The following ZNF638 variants were observed in gnomAD, a reference collection of about 807,000 sequenced individuals.
ZNF638 encodes zinc finger protein 638.
Under a neutral mutation model 195.6 loss-of-function variants are expected in ZNF638, and 46 were observed. The ratio of observed to expected loss-of-function variants is 0.24; its 90% CI spans 0.19 to 0.30. The LOEUF (loss-of-function observed/expected upper bound fraction) is 0.30. ZNF638 is among the 10% of genes least tolerant of loss of function. The pLI is 1.00. For synonymous variants in ZNF638, 845 were observed against 772.0 expected (o/e 1.09, Z -1.57); for missense variants, 2,440 against 2,325.3 (o/e 1.05, Z -1.01).
chr2:71,382,875 T>TA (rs547762601), intron 10 of ZNF638, among the ~76,000 whole-genome samples: 74 of 152,312 alleles, frequency 4.9e-4, no homozygotes, highest in Admixed American at 8.5e-4. Context: ...AATGACTTAT[T>TA]AAGTAGACAG....
At chr2:71,403,808 G>A in intron 16 of ZNF638, 62 bp from the exon 17 acceptor site, 2 of 1,237,070 alleles carry the variant, frequency 1.6e-6, no homozygotes, top group Non-Finnish European at 2.2e-6. Flanking sequence ...ATACTTGCAA[G>A]TCTGTTTTTG....
At chr2:71,388,152 TC>T (rs2079683132) in intron 10 of ZNF638, among the ~76,000 whole-genome samples, 1 of 152,114 alleles carries the variant, frequency 6.6e-6, no homozygotes, top group Non-Finnish European at 1.5e-5. Flanking sequence ...ACGCAAACCT[TC>T]TTGGAAGTCC....
intron 26 of ZNF638, among the ~76,000 whole-genome samples, chr2:71,432,693 C>A (rs112176391): frequency 6.6e-6 from 1 of 150,578 alleles, no homozygotes; most frequent in Non-Finnish European, 1.5e-5. Flanking sequence ...TAAAGACTTA[C>A]GTTTTCTGAT....
At chr2:71,348,204 A>G (rs2078883856) in intron 1 of ZNF638, among the ~76,000 whole-genome samples, 1 of 152,212 alleles carries the variant, frequency 6.6e-6, no homozygotes, top group South Asian at 2.1e-4. Flanking sequence ...ACAAATTTTT[A>G]TCTTACAAGA....
intron 23 of ZNF638, 21 bp downstream of exon 23, chr2:71,424,736 C>T (rs2080502661): frequency 1.3e-6 from 2 of 1,585,612 alleles, no homozygotes; most frequent in East Asian, 4.5e-5. Flanking sequence ...GATCACAGAC[C>T]CTAACCCTTC....
At chr2:71,382,836 T>G (rs1434978819) in intron 10 of ZNF638, among the ~76,000 whole-genome samples, 1 of 152,104 alleles carries the variant, frequency 6.6e-6, no homozygotes, top group Non-Finnish European at 1.5e-5. Flanking sequence ...TGTTTTAAAG[T>G]TAGAATTTAG....
chr2:71,368,662 G>C lies in ZNF638; in HGVS notation c.2142+134G>C. The C allele has an allele frequency of 4.0e-6, 4 of 991,164 alleles. No homozygotes were observed. In the South Asian group the frequency reaches 6.6e-5, roughly 16 times the overall value. 61.4% of individuals were successfully genotyped at this position (991,164 alleles called of 1,614,324 possible). On this transcript the variant is annotated intron_variant, in intron 7 of 27. Transcript: ENST00000264447. ...TTGAGAGTTATATAAATGTCTGGAT[G>C]TGAATAAGCAAGGCCGCAAAATAAT...
rs775403714 is a variant in ZNF638, at chr2:71,422,685, C to G, written c.3300-129C>G. Reference sequence around the variant, plus strand: ...TGGTTGGATTTCCCAGTGCTTATTACGAATGCATCAGGAAGTCTTAACAAT... The same window carrying G: ...TGGTTGGATTTCCCAGTGCTTATTAGGAATGCATCAGGAAGTCTTAACAAT... On this transcript the variant is annotated intron_variant, in intron 21 of 27. Coordinates refer to ENST00000264447, the MANE Select transcript of ZNF638 (RefSeq NM_014497.5). 3.7e-5 allele frequency: 34 copies of G among 912,564 alleles called. 1 individual carries two copies. The highest frequency in any genetic ancestry group is 5.3e-5 in the Non-Finnish European group (33 of 620,906). 56.5% of individuals were successfully genotyped at this position (912,564 alleles called of 1,614,324 possible). A position where few individuals can be genotyped will look rare whatever the true frequency, so the allele number is the denominator to read the frequency against.
intron 1 of ZNF638, among the ~76,000 whole-genome samples, chr2:71,336,933 C>T (rs1010300249): frequency 1.3e-5 from 2 of 152,128 alleles, no homozygotes; most frequent in Admixed American, 1.3e-4. Flanking sequence ...TCACTGGCAC[C>T]CCTCCTAGCA....
intron 10 of ZNF638, chr2:71,395,919 T>A: frequency 1.7e-6 from 1 of 579,004 alleles, no homozygotes; most frequent in Non-Finnish European, 3.0e-6. Flanking sequence ...TTTCTGAAGG[T>A]CAGTCTAATG....
At chr2:71,382,347 C>T (rs895211513) in intron 10 of ZNF638, among the ~76,000 whole-genome samples, 1 of 152,054 alleles carries the variant, frequency 6.6e-6, no homozygotes, top group Non-Finnish European at 1.5e-5. Context: ...AGCTAAAATA[C>T]TTCCTTGCAA....
chr2:71,424,656 G>A lies in ZNF638; in HGVS notation c.4531G>A (p.Ala1511Thr). The change falls in exon 23 of 28, where the codon GCT (alanine) becomes ACT (threonine). Residue 1511 changes from alanine (A) to threonine (T), a missense_variant. By Grantham distance (58) the Ala-to-Thr change is moderately conservative. Around this residue, in one of 5 missense-constraint regions of ZNF638, gnomAD observed 1,883 missense variants for 1,739.1 expected, o/e 1.08. Transcript: ENST00000264447. ...TTCTTATTTACTATTTCAGACTTTGGCTGAGCAAAACACTAAGAATCCTAA... is the reference window on the plus strand; with the variant it reads ...TTCTTATTTACTATTTCAGACTTTGACTGAGCAAAACACTAAGAATCCTAA... Reference protein sequence around the residue: ...KRDDSNNKTLAEQNTKNPKST... With the variant: ...KRDDSNNKTLTEQNTKNPKST... 6.2e-7 allele frequency: 1 copy of A among 1,611,308 alleles called. No homozygotes were observed. The highest frequency in any genetic ancestry group is 1.1e-5 in the South Asian group (1 of 90,526).
At chr2:71,369,537 A>G (rs957502844) in intron 7 of ZNF638, among the ~76,000 whole-genome samples, 1 of 152,154 alleles carries the variant, frequency 6.6e-6, no homozygotes, top group African/African-American at 2.4e-5. Flanking sequence ...CTTTGTTGCA[A>G]GAAGCCTTTA....
intron 20 of ZNF638, chr2:71,408,449 A>G (rs1558874697): frequency 7.0e-6 from 4 of 571,772 alleles, no homozygotes; most frequent in South Asian, 5.1e-5. Context: ...ACAATGTAAC[A>G]TATATGCATT....
intron 10 of ZNF638, chr2:71,380,923 C>T (rs1323855216): frequency 6.3e-6 from 1 of 157,612 alleles, no homozygotes; most frequent in Non-Finnish European, 1.4e-5. Flanking sequence ...GAATGCTTAT[C>T]TGGTCCTCTT....
In ZNF638 at chr2:71,427,367, A is replaced by G. The variant is rs555672436; in HGVS notation, c.5498A>G (p.Asn1833Ser). 6 of 1,589,332 alleles carry G rather than the reference A, an allele frequency of 3.8e-6. No homozygotes were observed. The South Asian group carries it at 4.7e-5, about 12-fold the overall frequency. The change falls in exon 24 of 28, where the codon AAT becomes AGT. Residue 1833 changes from asparagine (N) to serine (S), a missense_variant. By Grantham distance (46) the Asn-to-Ser change is conservative. Around this residue, in one of 5 missense-constraint regions of ZNF638, gnomAD observed 1,883 missense variants for 1,739.1 expected, o/e 1.08. Coordinates refer to ENST00000264447, the MANE Select transcript of ZNF638 (RefSeq NM_014497.5). ...SLSQVGPVNE[N>S]VMEEDLKTMI... ...TCCCAAGTGGGTCCAGTAAATGAGAATGTTATGGAAGAAGATCTAAAAACC... is the reference window on the plus strand; with the variant it reads ...TCCCAAGTGGGTCCAGTAAATGAGAGTGTTATGGAAGAAGATCTAAAAACC...
chr2:71,433,738 G>T (rs1267100220), intron 27 of ZNF638, among the ~76,000 whole-genome samples: 4 of 152,144 alleles, frequency 2.6e-5, no homozygotes, highest in Non-Finnish European at 4.4e-5. Flanking sequence ...AATTGAAGTG[G>T]TGACTCTAGT....
At chr2:71,367,235 C>CT (rs894522535) in intron 6 of ZNF638, among the ~76,000 whole-genome samples, 165 of 142,126 alleles carry the variant, frequency 1.2e-3, no homozygotes, top group East Asian at 2.8e-3. Context: ...GGCAGTGGAA[C>CT]TTTTTTTTTT....
intron 8 of ZNF638, chr2:71,375,773 A>G (rs2079409987): frequency 6.6e-6 from 1 of 152,242 alleles, no homozygotes; most frequent in African/African-American, 2.4e-5. Context: ...TTTGAAGGCA[A>G]AGAAAGCCTA....
Sources: allele counts gnomAD v4.1 joint callset (sites outside exome capture counted in the v4.1 genomes callset), GRCh38; gene constraint gnomAD v4.1.1; regional missense constraint gnomAD v4.1.1; transcripts MANE v1.5; gene names NCBI Gene and HGNC (gene_info 2026-07-23, HGNC 2026-07-21).